Variants in STMN4 observed in about 807,000 individuals in gnomAD.
STMN4 encodes stathmin 4, also known as stathmin-4.
STMN4 carries 12 observed loss-of-function variants against 29.1 expected under a neutral mutation model. The observed-to-expected ratio is 0.41, with a 90% CI of 0.26 to 0.67. The LOEUF is 0.67. STMN4 is among the 30% of genes least tolerant of loss of function. The pLI is 0.30. For missense variants in STMN4, 181 were observed against 262.8 expected (o/e 0.69, Z 2.15); for synonymous variants, 114 against 105.3 (o/e 1.08, Z -0.51).
chr8:27,242,337 T>C (rs2130075655), intron 3 of STMN4, 60 bp downstream of exon 3: 1 of 1,536,388 alleles, frequency 6.5e-7, no homozygotes, highest in Non-Finnish European at 9.0e-7. Context: ...GTGCAGGACC[T>C]ATGAGGACAG....
intron 5 of STMN4, 129 bp from the exon 6 acceptor site, chr8:27,240,291 C>A: frequency 1.0e-6 from 1 of 989,280 alleles, no homozygotes; most frequent in Non-Finnish European, 1.5e-6. Context: ...AGACCATTAG[C>A]AGGAAACAAG....
At chr8:27,240,930 G>A (rs1801450911) in intron 5 of STMN4, 124 bp downstream of exon 5, 1 of 948,232 alleles carries the variant, frequency 1.1e-6, no homozygotes, top group Non-Finnish European at 1.5e-6. Context: ...GCACACTCGG[G>A]AGATGCTCCC....
In STMN4 at chr8:27,236,728, G is replaced by C; in HGVS notation, c.*118C>G. ...CCAAAAGCAGAGGAAACGCCCCTTG[G>C]CCACCCCCCTCCCCCCAAACCCCAG... is the stretch of plus-strand genomic sequence containing the variant. On this transcript the variant is annotated 3_prime_UTR_variant, in exon 7 of 7. Coordinates refer to ENST00000350889, the MANE Select transcript of STMN4 (RefSeq NM_030795.4). 1.1e-6 allele frequency: 1 copy of C among 888,124 alleles called. No individual in the cohort carries two copies. The highest frequency in any genetic ancestry group is 1.6e-6 in the Non-Finnish European group (1 of 614,026). The allele number at this position is 888,124 out of a possible 1,614,324, so 55.0% of individuals were successfully genotyped here. A position where few individuals can be genotyped will look rare whatever the true frequency, so the allele number is the denominator to read the frequency against.
chr8:27,252,270 T>C (rs1186605508), intron 1 of STMN4, among the ~76,000 whole-genome samples: 2 of 152,320 alleles, frequency 1.3e-5, no homozygotes, highest in Non-Finnish European at 2.9e-5. Context: ...GCAATAAACA[T>C]ACGTGTCCAT....
At position 27,241,674 on chromosome 8, in the gene STMN4, T is replaced by C. The variant is rs1273869130; in HGVS notation, c.190+3A>G. The C allele has an allele frequency of 9.9e-6, 16 of 1,613,708 alleles. No individual in the cohort carries two copies. Among genetic ancestry groups the C allele is most frequent in the Non-Finnish European group, 1.3e-5 (15 of 1,179,794 alleles). ...CGGAATCCCTCCGCTGCCTCCCTCCTACCCTGAGCTCTTCTTTCTCTCCAG... is the reference window on the plus strand; with the variant it reads ...CGGAATCCCTCCGCTGCCTCCCTCCCACCCTGAGCTCTTCTTTCTCTCCAG... On this transcript the variant is annotated splice_donor_region_variant and intron_variant, in intron 4 of 6. Coordinates refer to ENST00000350889, the MANE Select transcript of STMN4 (RefSeq NM_030795.4).
At chr8:27,249,197 G>A (rs1234013607) in intron 1 of STMN4, among the ~76,000 whole-genome samples, 1 of 152,166 alleles carries the variant, frequency 6.6e-6, no homozygotes, top group African/African-American at 2.4e-5. Flanking sequence ...TGACTGAGGA[G>A]GGATCTCACG....
chr8:27,247,238 G>A (rs977872542), intron 1 of STMN4, among the ~76,000 whole-genome samples: 1 of 136,882 alleles, frequency 7.3e-6, no homozygotes, highest in African/African-American at 2.7e-5. Flanking sequence ...CTGGGTGAGA[G>A]AGTGAGACTT....
rs1273318591 is a variant in STMN4, at chr8:27,236,736, C to T, written c.*110G>A. 2.0e-6 allele frequency: 2 copies of T among 1,011,412 alleles called. No homozygotes were observed. The highest frequency in any genetic ancestry group is 1.7e-5 in the African/African-American group (1 of 59,728). 62.7% of individuals were successfully genotyped at this position (1,011,412 alleles called of 1,614,324 possible). On this transcript the variant is annotated 3_prime_UTR_variant, in exon 7 of 7. Transcript: ENST00000350889. ...AGAGGAAACGCCCCTTGGCCACCCC[C>T]CTCCCCCCAAACCCCAGTGCTGGGA...
chr8:27,248,742 G>T (rs1260356355), intron 1 of STMN4, among the ~76,000 whole-genome samples: 1 of 152,218 alleles, frequency 6.6e-6, no homozygotes, highest in Non-Finnish European at 1.5e-5. Context: ...TAGGGGCAGA[G>T]CTGGGATTTG....
chr8:27,254,094 T>C (rs1331145145), intron 1 of STMN4, among the ~76,000 whole-genome samples: 1 of 152,178 alleles, frequency 6.6e-6, no homozygotes, highest in Non-Finnish European at 1.5e-5. Context: ...ATGGTATGTT[T>C]CTTAAGTCCT....
At chr8:27,257,459 AACACAC>A (rs59516183) in intron 1 of STMN4, among the ~76,000 whole-genome samples, 1,781 of 137,798 alleles carry the variant, frequency 0.013, 28 homozygotes, top group African/African-American at 0.031. Context: ...CCCCCATACA[AACACAC>A]ACACACACAC....
intron 1 of STMN4, among the ~76,000 whole-genome samples, chr8:27,246,307 T>C (rs1309397659): frequency 6.6e-6 from 1 of 152,160 alleles, no homozygotes; most frequent in Non-Finnish European, 1.5e-5. Flanking sequence ...ATGGTCATGA[T>C]CAAGGGATTT....
rs763609703 is a variant in STMN4, at chr8:27,240,147, G to A, written c.415C>T (p.Leu139Phe). 1 of 1,613,824 alleles carries A rather than the reference G, an allele frequency of 6.2e-7. No individual in the cohort carries two copies. The highest frequency in any genetic ancestry group is 1.1e-5 in the South Asian group (1 of 91,028). ...EERRKYQEAE[L>F]LKHLAEKREH... Reference sequence around the variant, plus strand: ...CGTTTCTCTGCTAGGTGTTTCAGGAGCTCCGCTTCCTGGTACTGGGGAAGC... The same window carrying A: ...CGTTTCTCTGCTAGGTGTTTCAGGAACTCCGCTTCCTGGTACTGGGGAAGC... Residue 139 changes from leucine (L) to phenylalanine (F), a missense_variant, in exon 6 of 7, where the codon CTC (leucine) becomes TTC (phenylalanine). Transcript: ENST00000350889.
At chr8:27,250,598 G>A (rs753657581) in intron 1 of STMN4, among the ~76,000 whole-genome samples, 5 of 152,190 alleles carry the variant, frequency 3.3e-5, no homozygotes, top group Non-Finnish European at 5.9e-5. Context: ...AGGAACCAGC[G>A]AGACCTACAG....
chr8:27,245,719 G>A (rs1801605046), intron 1 of STMN4, among the ~76,000 whole-genome samples: 1 of 152,250 alleles, frequency 6.6e-6, no homozygotes, highest in Non-Finnish European at 1.5e-5. Flanking sequence ...CTGGGGAAAG[G>A]ATCAGAAGTG....
rs745791989 is a variant in STMN4, at chr8:27,240,180, C to T, written c.400-18G>A. ...TCCTGGTACTGGGGAAGCATAAAGG[C>T]AGAAGGAGGCCCTTCACAGTGAGTG... On this transcript the variant is annotated intron_variant, in intron 5 of 6. Coordinates refer to ENST00000350889, the MANE Select transcript of STMN4 (RefSeq NM_030795.4). 1 of 1,609,152 alleles carries T rather than the reference C, an allele frequency of 6.2e-7. No individual in the cohort carries two copies. Among genetic ancestry groups the T allele is most frequent in the South Asian group, 1.1e-5 (1 of 90,450 alleles).
chr8:27,241,989 C>A, intron 3 of STMN4: 1 of 594,190 alleles, frequency 1.7e-6, no homozygotes, highest in Non-Finnish European at 3.0e-6. Flanking sequence ...CCTCTGGACT[C>A]TCCCAGAGCA....
chr8:27,249,149 T>G (rs1023398373), intron 1 of STMN4, among the ~76,000 whole-genome samples: 6 of 152,126 alleles, frequency 3.9e-5, no homozygotes, highest in African/African-American at 1.4e-4. Flanking sequence ...AAGTTTTGAT[T>G]GGAGGCAGAC....
intron 1 of STMN4, among the ~76,000 whole-genome samples, chr8:27,255,843 A>G (rs1363272014): frequency 6.6e-6 from 1 of 152,194 alleles, no homozygotes; most frequent in East Asian, 1.9e-4. Context: ...CAGCCATCCA[A>G]GCAAAAATGC....
Sources: gnomAD v4.1 joint callset for allele counts (sites outside exome capture counted in the v4.1 genomes callset) on GRCh38, gnomAD v4.1.1 for gene constraint, MANE v1.5 for transcripts, NCBI Gene and HGNC (gene_info 2026-07-23, HGNC 2026-07-21) for gene names.